Variants in IL1RAPL2 observed in about 807,000 individuals in gnomAD.
IL1RAPL2 encodes interleukin 1 receptor accessory protein like 2, also known as X-linked interleukin-1 receptor accessory protein-like 2.
Under a neutral mutation model 44.1 loss-of-function variants are expected in IL1RAPL2, and 3 were observed. The ratio of observed to expected loss-of-function variants is 0.07; its 90% CI spans 0.03 to 0.18. IL1RAPL2 has a LOEUF of 0.18. Among genes scored for constraint, IL1RAPL2 ranks in the 10% least tolerant of loss-of-function variants. The pLI is 1.00. For missense variants in IL1RAPL2, 391 were observed against 496.4 expected, an observed-to-expected ratio of 0.79 and a Z score of 2.02; for synonymous variants, 181 against 178.8, an observed-to-expected ratio of 1.01 and a Z score of -0.10.
intron 6 of IL1RAPL2, among the ~76,000 whole-genome samples, chrX:105,585,402 G>A (rs891947610): frequency 4.7e-4 from 51 of 109,183 alleles, no homozygotes; most frequent in African/African-American, 1.6e-3. Flanking sequence ...TGTGCAGGAT[G>A]TGCAGGTTTG....
intron 6 of IL1RAPL2, among the ~76,000 whole-genome samples, chrX:105,665,736 TTTTTTG>T (rs1460716008): frequency 8.9e-5 from 7 of 78,353 alleles, no homozygotes; most frequent in African/African-American, 3.2e-4. Context: ...GTTTTTTTGT[TTTTTTG>T]TTTTTTTTTT....
chrX:105,544,246 A>G (rs188087469), intron 6 of IL1RAPL2, among the ~76,000 whole-genome samples: 8 of 111,673 alleles, frequency 7.2e-5, no homozygotes, highest in Non-Finnish European at 1.1e-4. Context: ...ATTTTTCTGT[A>G]TATTAATTTT....
chrX:104,634,936 C>G lies in IL1RAPL2; in HGVS notation c.-19-23959C>G, dbSNP rs775493697. Among the ~76,000 whole-genome samples the G allele has an allele frequency of 2.5e-3, 281 of 111,449 alleles. 1 individual carries two copies. The highest frequency in any genetic ancestry group is 3.3e-3 in the Non-Finnish European group (173 of 53,118). ...TTAGTTGATGCAGTTCCTTCCTAGCCTTGATGGTCTTTACAATTTGGCATG... is the reference window on the plus strand; with the variant it reads ...TTAGTTGATGCAGTTCCTTCCTAGCGTTGATGGTCTTTACAATTTGGCATG... On this transcript the variant is annotated intron_variant, in intron 1 of 10. Coordinates refer to ENST00000372582, the MANE Select transcript of IL1RAPL2 (RefSeq NM_017416.2).
In IL1RAPL2 at chrX:104,658,909, G is replaced by C; in HGVS notation, c.-5G>C. The C allele has an allele frequency of 8.4e-7, 1 of 1,197,062 alleles. No individual in the cohort carries two copies. Among genetic ancestry groups the C allele is most frequent in the East Asian group, 3.0e-5 (1 of 33,650 alleles). ...TGACTTTTCAGCTGTCAAGAAAAGT[G>C]AAGGATGAAGCCACCATTTCTTTTG... On this transcript the variant is annotated 5_prime_UTR_variant, in exon 2 of 11. Transcript: ENST00000372582.
At chrX:104,896,795 C>G (rs943538625) in intron 2 of IL1RAPL2, among the ~76,000 whole-genome samples, 12 of 111,494 alleles carry the variant, frequency 1.1e-4, no homozygotes, top group African/African-American at 3.9e-4. Context: ...TGGGTCCACA[C>G]TACCTTTATG....
At chrX:105,536,998 C>T (rs140456416) in intron 6 of IL1RAPL2, among the ~76,000 whole-genome samples, 2 of 111,400 alleles carry the variant, frequency 1.8e-5, no homozygotes, top group Admixed American at 9.6e-5. Context: ...TTATGATACA[C>T]GTTGCAAATA....
chrX:105,253,884 T>C (rs2034293006), intron 4 of IL1RAPL2, among the ~76,000 whole-genome samples: 1 of 112,046 alleles, frequency 8.9e-6, no homozygotes, highest in Non-Finnish European at 1.9e-5. Flanking sequence ...CTTGATGTCA[T>C]TCTTTTTTAT....
chrX:104,829,936 T>G (rs1921562471), intron 2 of IL1RAPL2, among the ~76,000 whole-genome samples: 1 of 111,948 alleles, frequency 8.9e-6, no homozygotes, highest in East Asian at 2.8e-4. Flanking sequence ...ATGGAAAAAC[T>G]GAACCTCACA....
At chrX:105,724,790 C>T (rs1238690558) in intron 7 of IL1RAPL2, among the ~76,000 whole-genome samples, 1 of 111,711 alleles carries the variant, frequency 9.0e-6, no homozygotes, top group Non-Finnish European at 1.9e-5. Context: ...ATAATTATTT[C>T]GAGGAAACCT....
At chrX:105,029,244 T>A (rs950288499) in intron 2 of IL1RAPL2, among the ~76,000 whole-genome samples, 3 of 107,480 alleles carry the variant, frequency 2.8e-5, no homozygotes, top group African/African-American at 1.0e-4. Flanking sequence ...TTTTTATTTA[T>A]TTATTTTTAT....
intron 2 of IL1RAPL2, among the ~76,000 whole-genome samples, chrX:104,901,495 G>A (rs975691218): frequency 1.8e-5 from 2 of 109,973 alleles, no homozygotes; most frequent in East Asian, 5.7e-4. Flanking sequence ...ACAGGGGTGA[G>A]CCACCGCACC....
intron 2 of IL1RAPL2, among the ~76,000 whole-genome samples, chrX:104,896,320 C>T (rs754926010): frequency 6.3e-5 from 7 of 111,926 alleles, no homozygotes; most frequent in Non-Finnish European, 1.1e-4. Flanking sequence ...CTAACAACTT[C>T]TGCCAAGGAC....
chrX:104,974,933 G>A (rs1423295703), intron 2 of IL1RAPL2, among the ~76,000 whole-genome samples: 1 of 112,260 alleles, frequency 8.9e-6, no homozygotes. Flanking sequence ...AGGGGCCTGC[G>A]AGTTGGGATT....
chrX:104,815,516 C>T (rs1921109349), intron 2 of IL1RAPL2, among the ~76,000 whole-genome samples: 1 of 111,502 alleles, frequency 9.0e-6, no homozygotes, highest in African/African-American at 3.3e-5. Flanking sequence ...AAGCCAATGA[C>T]CTTCTGAAGA....
At chrX:105,372,435 CA>C (rs369933788) in intron 5 of IL1RAPL2, among the ~76,000 whole-genome samples, 22,699 of 86,816 alleles carry the variant, frequency 0.26, 2,624 homozygotes, top group Non-Finnish European at 0.36. Flanking sequence ...GACCCTATCT[CA>C]AAAAAAAAAA....
At chrX:105,101,702 T>C (rs774182597) in intron 2 of IL1RAPL2, among the ~76,000 whole-genome samples, 1 of 111,653 alleles carries the variant, frequency 9.0e-6, no homozygotes, top group Non-Finnish European at 1.9e-5. Flanking sequence ...TGGGCGTCTG[T>C]AGGAATGGTG....
chrX:105,300,879 A>C (rs1243627736), intron 5 of IL1RAPL2, among the ~76,000 whole-genome samples: 1 of 111,724 alleles, frequency 9.0e-6, no homozygotes, highest in African/African-American at 3.3e-5. Flanking sequence ...GGCAAACTAT[A>C]GTTTGTGTAT....
chrX:105,461,766 G>C (rs1302405335), intron 5 of IL1RAPL2, among the ~76,000 whole-genome samples: 1 of 111,427 alleles, frequency 9.0e-6, no homozygotes, highest in Non-Finnish European at 1.9e-5. Context: ...AAAGAAAGGA[G>C]GGTGAGGTAA....
At chrX:104,731,983 T>A (rs1349056685) in intron 2 of IL1RAPL2, among the ~76,000 whole-genome samples, 1 of 112,284 alleles carries the variant, frequency 8.9e-6, no homozygotes, top group Non-Finnish European at 1.9e-5. Flanking sequence ...CTGACCACAC[T>A]GCAAAGAAGG....
Sources: allele counts gnomAD v4.1 joint callset (sites outside exome capture counted in the v4.1 genomes callset), GRCh38; gene constraint gnomAD v4.1.1; transcripts MANE v1.5; gene names NCBI Gene and HGNC (gene_info 2026-07-23, HGNC 2026-07-21).